Variants in NCOA3 observed in about 807,000 individuals in gnomAD.
NCOA3 encodes the protein CBP-interacting protein.
In NCOA3, 51 loss-of-function variants were observed where a neutral mutation model predicts 158.8. That is an observed-to-expected ratio of 0.32 (90% CI 0.26 to 0.41). The LOEUF is 0.41. Among genes scored for constraint, NCOA3 ranks in the 10% least tolerant of loss-of-function variants. NCOA3 has a pLI of 1.00. For missense variants in NCOA3, 1,510 were observed against 1,746.6 expected, an observed-to-expected ratio of 0.86 and a Z score of 2.41; for synonymous variants, 537 against 592.4, an observed-to-expected ratio of 0.91 and a Z score of 1.36.
At chr20:47,558,786 A>T in intron 1 of NCOA3, among the ~76,000 whole-genome samples, 1 of 145,194 alleles carries the variant, frequency 6.9e-6, no homozygotes, top group Admixed American at 6.9e-5. Context: ...TCTAAGATCC[A>T]TATCTTAAAA....
intron 1 of NCOA3, among the ~76,000 whole-genome samples, chr20:47,543,130 G>A (rs2084772532): frequency 1.3e-5 from 2 of 152,176 alleles, no homozygotes; most frequent in South Asian, 2.1e-4. Flanking sequence ...TTGCTTCCGA[G>A]GTGGCTTACT....
intron 1 of NCOA3, among the ~76,000 whole-genome samples, chr20:47,559,461 T>G (rs922954603): frequency 5.3e-5 from 8 of 152,198 alleles, no homozygotes; most frequent in Non-Finnish European, 8.8e-5. Context: ...CTACTGCATT[T>G]GTACAAAACA....
At chr20:47,549,028 A>T (rs1316996926) in intron 1 of NCOA3, among the ~76,000 whole-genome samples, 2 of 152,064 alleles carry the variant, frequency 1.3e-5, no homozygotes, top group African/African-American at 4.8e-5. Flanking sequence ...AGATGTAAAA[A>T]CTGTATTTAA....
chr20:47,651,095 G>GCAGCAGCAGCAGCAA lies in NCOA3; in HGVS notation c.3779_3780insACAGCAGCAGCAGCA (p.Gln1272_Gln1276dup), dbSNP rs2086784496. 4.8e-6 allele frequency: 3 copies of GCAGCAGCAGCAGCAA among 626,246 alleles called. No homozygotes were observed. The highest frequency in any genetic ancestry group is 6.1e-5 in the Admixed American group (2 of 32,546). 38.8% of individuals were successfully genotyped at this position (626,246 alleles called of 1,614,324 possible). A position where few individuals can be genotyped will look rare whatever the true frequency, so the allele number is the denominator to read the frequency against. Reference sequence around the variant, plus strand: ...TGCAGCAGCAGCAGCAGCAGCAACAGCAGCAGCAGCAGCAGCAGCAGCAGC... The same window carrying GCAGCAGCAGCAGCAA: ...TGCAGCAGCAGCAGCAGCAGCAACAGCAGCAGCAGCAGCAACAGCAGCAGCAGCAGCAGCAGCAGC... On this transcript the variant is annotated inframe_insertion, in exon 20 of 23. Transcript: ENST00000371998.
At chr20:47,635,857 C>CT (rs773796980) in intron 11 of NCOA3, 34 bp from the exon 12 acceptor site, 3 of 1,560,160 alleles carry the variant, frequency 1.9e-6, no homozygotes, top group South Asian at 2.4e-5. Context: ...GTCTGGTAGT[C>CT]TAATTCTTTT....
intron 1 of NCOA3, among the ~76,000 whole-genome samples, chr20:47,523,481 C>G (rs757573971): frequency 2.6e-5 from 4 of 152,040 alleles, no homozygotes; most frequent in Non-Finnish European, 5.9e-5. Context: ...ATTAACTATA[C>G]GGGGTCCAAA....
In NCOA3 at chr20:47,639,971, A is replaced by T. The variant is rs780622827; in HGVS notation, c.3000A>T (p.Gln1000His). 8.0e-5 allele frequency: 129 copies of T among 1,614,108 alleles called. No individual in the cohort carries two copies. The highest frequency in any genetic ancestry group is 2.5e-4 in the Admixed American group (15 of 60,012). ...GAATGGGGGCTAATCCCTATGGCCA[A>T]GCAGCAGCATCTAACCAACTGGGTT... The part of the protein sequence containing the change: ...PMGMGANPYG[Q>H]AAASNQLGSW... The change falls in exon 16 of 23, where the codon CAA (glutamine) becomes CAT (histidine). Residue 1000 changes from glutamine (Q) to histidine (H), a missense_variant. Gln to His is a conservative substitution (Grantham distance 24, BLOSUM62 0). Coordinates refer to ENST00000371998, the MANE Select transcript of NCOA3 (RefSeq NM_181659.3).
At position 47,649,912 on chromosome 20, in the gene NCOA3, A is replaced by T. The variant is rs139596089; in HGVS notation, c.3651+803A>T. 2.0e-5 allele frequency among the ~76,000 whole-genome samples: 3 copies of T among 151,132 alleles called. No individual in the cohort carries two copies. The Admixed American group carries it at 2.0e-4, about 10-fold the overall frequency. On this transcript the variant is annotated intron_variant, in intron 19 of 22. Transcript: ENST00000371998. ...GTTATGTCACCTTCTGAACCTCCAGATAGCTTCTGCTTGCCCCTTACCTCT... is the reference window on the plus strand; with the variant it reads ...GTTATGTCACCTTCTGAACCTCCAGTTAGCTTCTGCTTGCCCCTTACCTCT...
intron 18 of NCOA3, among the ~76,000 whole-genome samples, chr20:47,648,283 A>C (rs1390833662): frequency 3.3e-5 from 5 of 152,096 alleles, no homozygotes; most frequent in Non-Finnish European, 7.3e-5. Flanking sequence ...GGTACTCAGA[A>C]AAGCTGTGTT....
chr20:47,512,669 A>G (rs1384496349), intron 1 of NCOA3, among the ~76,000 whole-genome samples: 5 of 152,170 alleles, frequency 3.3e-5, no homozygotes, highest in African/African-American at 1.2e-4. Context: ...GCTCAACATC[A>G]GCCATTAGGG....
chr20:47,611,960 G>A (rs1381969469), intron 2 of NCOA3, among the ~76,000 whole-genome samples: 2 of 152,038 alleles, frequency 1.3e-5, no homozygotes, highest in African/African-American at 4.8e-5. Flanking sequence ...GAGTAGCTGC[G>A]ACTACAGGTG....
intron 1 of NCOA3, among the ~76,000 whole-genome samples, chr20:47,517,651 A>G (rs944300425): frequency 1.3e-5 from 2 of 151,842 alleles, no homozygotes; most frequent in Admixed American, 1.3e-4. Context: ...GGTTTTTGCC[A>G]TGTTGGCCAG....
intron 22 of NCOA3, 66 bp from the exon 23 acceptor site, chr20:47,653,340 T>G: frequency 1.9e-6 from 3 of 1,568,420 alleles, no homozygotes; most frequent in Non-Finnish European, 2.6e-6. Context: ...TGGGTATTTT[T>G]TTGTTGTGCA....
intron 1 of NCOA3, among the ~76,000 whole-genome samples, chr20:47,536,396 G>A (rs1013637305): frequency 2.6e-5 from 4 of 152,192 alleles, no homozygotes; most frequent in African/African-American, 9.7e-5. Context: ...TATCCGGCCA[G>A]TGAATGTTAA....
At chr20:47,515,450 C>T (rs1368205010) in intron 1 of NCOA3, among the ~76,000 whole-genome samples, 5 of 151,256 alleles carry the variant, frequency 3.3e-5, no homozygotes, top group African/African-American at 9.7e-5. Context: ...TGAGCCACCA[C>T]ACCCGAGCTT....
In NCOA3 at chr20:47,535,472, C is replaced by T. The variant is rs117731361; in HGVS notation, c.-99+33453C>T. On this transcript the variant is annotated intron_variant, in intron 1 of 22. Transcript: ENST00000371998. Reference sequence around the variant, plus strand: ...TCTTGCCCTAGTGTGCTGGAAAGATCGGATCACACACGGACTTGGAGAATG... The same window carrying T: ...TCTTGCCCTAGTGTGCTGGAAAGATTGGATCACACACGGACTTGGAGAATG... Among the ~76,000 whole-genome samples the T allele has an allele frequency of 3.1e-3, 475 of 151,952 alleles. 2 individuals carry two copies. Among genetic ancestry groups the T allele is most frequent in the Non-Finnish European group, 5.3e-3 (363 of 67,964 alleles).
intron 2 of NCOA3, among the ~76,000 whole-genome samples, chr20:47,595,672 GCTT>G (rs1349593987): frequency 6.6e-6 from 1 of 151,422 alleles, no homozygotes; most frequent in Non-Finnish European, 1.5e-5. Context: ...ATGACATAAG[GCTT>G]TTTTTTTTTT....
chr20:47,645,482 C>T (rs1326505706), intron 17 of NCOA3, among the ~76,000 whole-genome samples: 1 of 152,084 alleles, frequency 6.6e-6, no homozygotes, highest in East Asian at 1.9e-4. Flanking sequence ...TGAGCTGGTT[C>T]CTACTTCTCT....
chr20:47,540,381 C>T (rs1304659837), intron 1 of NCOA3, among the ~76,000 whole-genome samples: 1 of 152,070 alleles, frequency 6.6e-6, no homozygotes, highest in Non-Finnish European at 1.5e-5. Context: ...CGAGACCAGC[C>T]TGGCTAACAT....
Sources: gnomAD v4.1 joint callset for allele counts (sites outside exome capture counted in the v4.1 genomes callset) on GRCh38, gnomAD v4.1.1 for gene constraint, MANE v1.5 for transcripts, NCBI Gene and HGNC (gene_info 2026-07-23, HGNC 2026-07-21) for gene names.